Variants in THSD4 observed in about 807,000 individuals in gnomAD.
The protein encoded by THSD4 is thrombospondin type 1 domain containing 4.
A neutral mutation model predicts 119.0 loss-of-function variants in THSD4; 69 were observed. The observed-to-expected ratio is 0.58, with a 90% CI of 0.48 to 0.71. The LOEUF (loss-of-function observed/expected upper bound fraction) is 0.71, where lower values mean the gene tolerates loss of function less well. Among genes scored for constraint, THSD4 ranks in the 30% least tolerant of loss-of-function variants. THSD4 has a pLI of 0.00. For missense variants in THSD4, 1,393 were observed against 1,391.1 expected, an observed-to-expected ratio of 1.00 and a Z score of -0.02; for synonymous variants, 524 against 540.4, an observed-to-expected ratio of 0.97 and a Z score of 0.42.
intron 7 of THSD4, among the ~76,000 whole-genome samples, chr15:71,527,090 A>G (rs1487429907): frequency 6.6e-6 from 1 of 152,132 alleles, no homozygotes; most frequent in Non-Finnish European, 1.5e-5. Context: ...TGCCTTATAA[A>G]ATAGCCTTCA....
rs530936819 is a variant in THSD4, at chr15:71,493,477, A to T, written c.1152+81654A>T. On this transcript the variant is annotated intron_variant, in intron 7 of 17. Coordinates refer to ENST00000261862, the MANE Select transcript of THSD4 (RefSeq NM_024817.3). ...GTGATCTTTATCATCTGTGTGGAAA[A>T]TGTAGCTATTATCCCCATTTGATAG... 5.3e-5 allele frequency among the ~76,000 whole-genome samples: 8 copies of T among 152,300 alleles called. No homozygotes were observed. The East Asian group carries it at 1.5e-3, about 29-fold the overall frequency.
intron 1 of THSD4, among the ~76,000 whole-genome samples, chr15:71,137,266 C>T (rs998636573): frequency 2.0e-5 from 3 of 152,238 alleles, no homozygotes; most frequent in South Asian, 2.1e-4. Context: ...TGGGAACCCT[C>T]ACTCTTTCCA....
At chr15:71,210,301 T>A (rs8027660) in intron 3 of THSD4, among the ~76,000 whole-genome samples, 70,938 of 151,984 alleles carry the variant, frequency 0.47, 17,313 homozygotes, top group Middle Eastern at 0.67. Flanking sequence ...TTTTGAGGAT[T>A]AATTAGATAA....
chr15:71,302,517 G>T (rs2044965441), intron 6 of THSD4, among the ~76,000 whole-genome samples: 2 of 151,344 alleles, frequency 1.3e-5, no homozygotes, highest in South Asian at 4.2e-4. Flanking sequence ...CACACCAGCT[G>T]CAAAAGAACC....
chr15:71,346,060 C>T (rs1411845398), intron 6 of THSD4, among the ~76,000 whole-genome samples: 2 of 152,146 alleles, frequency 1.3e-5, no homozygotes, highest in Non-Finnish European at 2.9e-5. Flanking sequence ...CCTGAGTGTC[C>T]CAATAATGTC....
intron 7 of THSD4, among the ~76,000 whole-genome samples, chr15:71,529,842 A>G (rs1169353275): frequency 6.6e-6 from 1 of 152,236 alleles, no homozygotes; most frequent in Non-Finnish European, 1.5e-5. Context: ...AATGGGGATC[A>G]TAGCTACCTC....
intron 3 of THSD4, among the ~76,000 whole-genome samples, chr15:71,204,245 G>A (rs2043825997): frequency 6.6e-6 from 1 of 152,148 alleles, no homozygotes; most frequent in African/African-American, 2.4e-5. Flanking sequence ...GAAAGAGTCA[G>A]GTCAATTTCA....
At chr15:71,108,718 G>A (rs1005042902) in intron 1 of THSD4, among the ~76,000 whole-genome samples, 1 of 152,182 alleles carries the variant, frequency 6.6e-6, no homozygotes. Flanking sequence ...AGGGCCGGGC[G>A]TGGTAGCTCA....
chr15:71,605,971 G>A (rs1371782259), intron 7 of THSD4, among the ~76,000 whole-genome samples: 4 of 152,166 alleles, frequency 2.6e-5, no homozygotes, highest in African/African-American at 9.7e-5. Flanking sequence ...CTGTGCCTGA[G>A]GCTACTTGAA....
At position 71,215,121 on chromosome 15, in the gene THSD4, G is replaced by A. The variant is rs1485173298; in HGVS notation, c.186G>A (p.Trp62Ter). ...APGVWGAWGPWSACSRSCSGG... is the reference protein window; with the variant it reads ...APGVWGAWGP The stretch of plus-strand genomic sequence containing the variant: ...GAGTGTGGGGCGCCTGGGGCCCCTG[G>A]TCGGCCTGCTCGCGTAGCTGCAGCG... The change falls in exon 4 of 18, where the codon TGG (tryptophan) becomes TGA (stop). Residue 62 changes from tryptophan to a stop codon, truncating the protein, a stop_gained. Coordinates refer to ENST00000261862, the MANE Select transcript of THSD4 (RefSeq NM_024817.3). LOFTEE classifies it high-confidence loss of function. 2 of 1,361,958 alleles carry A rather than the reference G, an allele frequency of 1.5e-6. No homozygotes were observed. The highest frequency in any genetic ancestry group is 1.9e-6 in the Non-Finnish European group (2 of 1,052,588). 84.4% of individuals were successfully genotyped at this position (1,361,958 alleles called of 1,614,324 possible).
In THSD4 at chr15:71,728,572, T is replaced by C; in HGVS notation, c.1381T>C (p.Ser461Pro). ...YLALRSRSGR[S>P]IINGNWAIDR... ...AGCCCTGAGAAGTCGTTCTGGACGC[T>C]CCATCATCAATGGGAACTGGGCAAT... The change falls in exon 9 of 18, where the codon TCC (serine) becomes CCC (proline). Residue 461 changes from serine to proline, a missense_variant. Physicochemically the swap from Ser to Pro is moderately conservative, Grantham distance 74 (BLOSUM62 -1). Transcript: ENST00000261862. The C allele has an allele frequency of 1.2e-6, 2 of 1,614,166 alleles. No individual in the cohort carries two copies. The highest frequency in any genetic ancestry group is 1.7e-6 in the Non-Finnish European group (2 of 1,180,026).
chr15:71,463,270 A>G (rs1198985347), intron 7 of THSD4, among the ~76,000 whole-genome samples: 5 of 152,100 alleles, frequency 3.3e-5, no homozygotes, highest in Non-Finnish European at 7.3e-5. Context: ...TGCAGTTTTG[A>G]TGAGCATTCC....
chr15:71,579,744 TGGAAGGTAAAACA>T (rs2049522651), intron 7 of THSD4, among the ~76,000 whole-genome samples: 1 of 152,204 alleles, frequency 6.6e-6, no homozygotes, highest in Non-Finnish European at 1.5e-5. Context: ...CACCATGGTT[TGGAAGGTAAAACA>T]ATAGCAATGA....
chr15:71,337,388 C>T (rs1050874669), intron 6 of THSD4, among the ~76,000 whole-genome samples: 3 of 152,354 alleles, frequency 2.0e-5, no homozygotes, highest in Admixed American at 2.0e-4. Context: ...GGGAGGAAAC[C>T]TGCCCCTGGA....
intron 7 of THSD4, among the ~76,000 whole-genome samples, chr15:71,524,534 T>C (rs2048488161): frequency 6.7e-6 from 1 of 150,268 alleles, no homozygotes; most frequent in Admixed American, 6.7e-5. Context: ...ATGTCTGCCA[T>C]GAGCACAGGA....
At chr15:71,161,982 A>T (rs2043253682) in intron 3 of THSD4, among the ~76,000 whole-genome samples, 1 of 151,432 alleles carries the variant, frequency 6.6e-6, no homozygotes, top group Non-Finnish European at 1.5e-5. Flanking sequence ...CAAGCTGAAA[A>T]CAACTTAACT....
At chr15:71,761,056 T>G (rs775161899) in intron 15 of THSD4, among the ~76,000 whole-genome samples, 21 of 152,218 alleles carry the variant, frequency 1.4e-4, no homozygotes, top group Non-Finnish European at 1.8e-4. Context: ...TTTTAACCAT[T>G]TATATTTATT....
rs554977359 is a variant in THSD4 at position 71,383,199 on chromosome 15, G to A, written c.1016-28488G>A. Among the ~76,000 whole-genome samples, 114 of 152,178 alleles carry A rather than the reference G, an allele frequency of 7.5e-4. 1 individual carries two copies. Among genetic ancestry groups the A allele is most frequent in the African/African-American group, 2.6e-3 (110 of 41,524 alleles). On this transcript the variant is annotated intron_variant, in intron 6 of 17. Transcript: ENST00000261862. ...AACTGGTTTTGGACCCTGTAATTTT[G>A]GGGGACCAGCAGGGGTCCCCCTCGT...
chr15:71,479,410 C>T (rs2047696122), intron 7 of THSD4, among the ~76,000 whole-genome samples: 1 of 152,076 alleles, frequency 6.6e-6, no homozygotes, highest in African/African-American at 2.4e-5. Context: ...ATTACTTTTA[C>T]TAGAGTCTGC....
Sources: gnomAD v4.1 joint callset for allele counts (sites outside exome capture counted in the v4.1 genomes callset) on GRCh38, gnomAD v4.1.1 for gene constraint, MANE v1.5 for transcripts, NCBI Gene and HGNC (gene_info 2026-07-23, HGNC 2026-07-21) for gene names.